KCTD16: variants seen among roughly 807,000 people sequenced by gnomAD.
The protein encoded by KCTD16 is potassium channel tetramerization domain containing 16.
Under a neutral mutation model 33.2 loss-of-function variants are expected in KCTD16, and 13 were observed. The observed-to-expected ratio is 0.39, with a 90% confidence interval of 0.25 to 0.62. The LOEUF is 0.62. KCTD16 is among the 20% of genes least tolerant of loss of function. The probability of loss-of-function intolerance (pLI) is 0.50; values close to 1 mark genes in which losing one functional copy is unlikely to be tolerated. For missense variants in KCTD16, 441 were observed against 525.1 expected, an observed-to-expected ratio of 0.84 and a Z score of 1.57; for synonymous variants, 197 against 195.3, an observed-to-expected ratio of 1.01 and a Z score of -0.07.
chr5:144,207,086 C>A lies in KCTD16; in HGVS notation c.372C>A (p.Pro124=). 3 of 1,611,442 alleles carry A rather than the reference C, an allele frequency of 1.9e-6. No individual in the cohort carries two copies. The highest frequency in any genetic ancestry group is 2.5e-6 in the Non-Finnish European group (3 of 1,178,956). The part of the protein sequence containing the change: ...QLPDLVKLLT[P]DEIKQSPDEF... The stretch of plus-strand genomic sequence containing the variant: ...CAGACTTGGTCAAACTCCTGACCCC[C>A]GATGAAATCAAGCAAAGCCCAGATG... Residue 124 remains proline (P), a synonymous_variant, in exon 3 of 4, where the codon CCC becomes CCA. Coordinates refer to ENST00000512467, the MANE Select transcript of KCTD16 (RefSeq NM_020768.4).
chr5:144,276,767 G>A (rs1389635887), intron 3 of KCTD16, among the ~76,000 whole-genome samples: 4 of 152,048 alleles, frequency 2.6e-5, no homozygotes, highest in Admixed American at 2.0e-4. Flanking sequence ...GCCATGCATA[G>A]TGGCTTACAC....
At chr5:144,368,150 A>G (rs1275349913) in intron 3 of KCTD16, among the ~76,000 whole-genome samples, 1 of 144,192 alleles carries the variant, frequency 6.9e-6, no homozygotes, top group African/African-American at 2.6e-5. Flanking sequence ...CCTGCATATG[A>G]TAAGCATAAT....
At chr5:144,179,641 A>G (rs946590049) in intron 2 of KCTD16, among the ~76,000 whole-genome samples, 1 of 152,224 alleles carries the variant, frequency 6.6e-6, no homozygotes, top group Non-Finnish European at 1.5e-5. Context: ...GATCAATTTT[A>G]CTAATAAGAC....
intron 3 of KCTD16, among the ~76,000 whole-genome samples, chr5:144,306,542 G>A (rs145375443): frequency 2.0e-5 from 3 of 152,338 alleles, no homozygotes; most frequent in East Asian, 3.9e-4. Context: ...TTCTGAGACT[G>A]TCTTTATCAT....
At chr5:144,414,748 C>T (rs1054447478) in intron 3 of KCTD16, among the ~76,000 whole-genome samples, 7 of 152,192 alleles carry the variant, frequency 4.6e-5, no homozygotes, top group Admixed American at 2.6e-4. Flanking sequence ...ATATCACCCT[C>T]TCTCCAAATC....
At chr5:144,189,552 T>C (rs926927897) in intron 2 of KCTD16, among the ~76,000 whole-genome samples, 1 of 152,082 alleles carries the variant, frequency 6.6e-6, no homozygotes, top group Non-Finnish European at 1.5e-5. Flanking sequence ...CATAGAGTTT[T>C]GCATACAATT....
intron 3 of KCTD16, among the ~76,000 whole-genome samples, chr5:144,221,687 T>C (rs1335836944): frequency 6.6e-6 from 1 of 152,214 alleles, no homozygotes; most frequent in Non-Finnish European, 1.5e-5. Flanking sequence ...TTGGGTTGGT[T>C]TGAAGTCTTT....
At chr5:144,359,125 C>G (rs1751644793) in intron 3 of KCTD16, among the ~76,000 whole-genome samples, 1 of 152,158 alleles carries the variant, frequency 6.6e-6, no homozygotes, top group African/African-American at 2.4e-5. Context: ...CAGTCATACC[C>G]AATACATACT....
chr5:144,173,543 G>A (rs537703873), intron 1 of KCTD16, among the ~76,000 whole-genome samples: 2 of 152,244 alleles, frequency 1.3e-5, no homozygotes, highest in South Asian at 4.1e-4. Flanking sequence ...CCTGGGTGAT[G>A]AAATAATCTG....
rs534414460 is a variant in KCTD16, at chr5:144,356,223, C to G, written c.833-117437C>G. Among the ~76,000 whole-genome samples the G allele has an allele frequency of 3.9e-5, 6 of 152,160 alleles. No individual in the cohort carries two copies. The South Asian group carries it at 1.2e-3, about 32-fold the overall frequency. On this transcript the variant is annotated intron_variant, in intron 3 of 3. Transcript: ENST00000512467. ...ACTGTCCATATTTTAGCTTTTATAC[C>G]TTTATGTCTCATATGAGAAGTTCGA...
chr5:144,332,725 C>T (rs898745270), intron 3 of KCTD16, among the ~76,000 whole-genome samples: 1 of 152,128 alleles, frequency 6.6e-6, no homozygotes, highest in African/African-American at 2.4e-5. Context: ...AAAATACTAA[C>T]ACTTGGCATC....
chr5:144,272,083 C>T (rs1398917494), intron 3 of KCTD16, among the ~76,000 whole-genome samples: 2 of 152,076 alleles, frequency 1.3e-5, no homozygotes, highest in Non-Finnish European at 1.5e-5. Context: ...GCCAATATTA[C>T]TCAAAGCAAT....
chr5:144,218,820 T>C (rs1753643410), intron 3 of KCTD16, among the ~76,000 whole-genome samples: 1 of 152,240 alleles, frequency 6.6e-6, no homozygotes, highest in Non-Finnish European at 1.5e-5. Flanking sequence ...AGGTGCTCAG[T>C]AAAAGTTTGT....
intron 3 of KCTD16, among the ~76,000 whole-genome samples, chr5:144,226,878 T>C (rs1215093435): frequency 6.6e-6 from 1 of 152,222 alleles, no homozygotes; most frequent in Non-Finnish European, 1.5e-5. Context: ...TGGCCAAATC[T>C]ATTTCTTTAT....
At chr5:144,315,842 G>T (rs1363875351) in intron 3 of KCTD16, among the ~76,000 whole-genome samples, 1 of 152,098 alleles carries the variant, frequency 6.6e-6, no homozygotes, top group Non-Finnish European at 1.5e-5. Context: ...TATGAAAGAT[G>T]AATTACACAT....
intron 3 of KCTD16, among the ~76,000 whole-genome samples, chr5:144,452,937 G>A (rs779592476): frequency 1.5e-4 from 23 of 152,104 alleles, no homozygotes; most frequent in Non-Finnish European, 2.4e-4. Flanking sequence ...TACCCTCAGC[G>A]TATCTCACTA....
chr5:144,244,514 C>T (rs932130765), intron 3 of KCTD16, among the ~76,000 whole-genome samples: 2 of 152,142 alleles, frequency 1.3e-5, no homozygotes, highest in Non-Finnish European at 2.9e-5. Context: ...GTCAATTCCA[C>T]AGAATTGGAC....
Position 144,479,822 on chromosome 5 carries a change from TA to T in KCTD16, c.*5712del, listed in dbSNP as rs1289306508. On this transcript the variant is annotated 3_prime_UTR_variant, in exon 4 of 4. Transcript: ENST00000512467. ...TTGCATTATTTAGGAAATTTACTTT[TA>T]AAAGGATAAAGAAAAATGTGCCTGG... The T allele has an allele frequency of 2.6e-5, 4 of 152,036 alleles. No individual in the cohort carries two copies. The highest frequency in any genetic ancestry group is 1.3e-4 in the Admixed American group (2 of 15,220). The allele number at this position is 152,036 out of a possible 1,614,324, so 9.4% of individuals were successfully genotyped here. A position where few individuals can be genotyped will look rare whatever the true frequency, so the allele number is the denominator to read the frequency against.
At chr5:144,390,688 C>T (rs1386319427) in intron 3 of KCTD16, among the ~76,000 whole-genome samples, 2 of 151,934 alleles carry the variant, frequency 1.3e-5, no homozygotes, top group Non-Finnish European at 2.9e-5. Context: ...GCCCCCTACC[C>T]CCGACGGGCC....
Sources: allele counts gnomAD v4.1 joint callset (sites outside exome capture counted in the v4.1 genomes callset), GRCh38; gene constraint gnomAD v4.1.1; transcripts MANE v1.5; gene names NCBI Gene and HGNC (gene_info 2026-07-23, HGNC 2026-07-21).